Variants in KHDRBS2 observed in about 807,000 individuals in gnomAD.
The protein encoded by KHDRBS2 is KH domain-containing, RNA-binding, signal transduction-associated protein 2.
A neutral mutation model predicts 44.3 loss-of-function variants in KHDRBS2; 26 were observed. That is an observed-to-expected ratio of 0.59 (90% CI 0.43 to 0.81). The LOEUF (loss-of-function observed/expected upper bound fraction) is 0.81. KHDRBS2 is among the 40% of genes least tolerant of loss of function. KHDRBS2 has a pLI of 0.00. For missense variants in KHDRBS2, 476 were observed against 433.1 expected (o/e 1.10, Z -0.88); for synonymous variants, 194 against 151.1 (o/e 1.28, Z -2.08).
At chr6:61,826,895 A>G (rs1185500815) in intron 6 of KHDRBS2, among the ~76,000 whole-genome samples, 1 of 152,184 alleles carries the variant, frequency 6.6e-6, no homozygotes, top group African/African-American at 2.4e-5. Context: ...AAAGGTGAAC[A>G]CATCCTAACA....
chr6:61,545,029 A>G, the KHDRBS2 span, among the ~76,000 whole-genome samples: 14 of 152,054 alleles, frequency 9.2e-5, no homozygotes, highest in Admixed American at 7.9e-4. Flanking sequence ...ATGTATACAT[A>G]TATAACAAAC....
intron 1 of KHDRBS2, among the ~76,000 whole-genome samples, chr6:62,212,020 G>A (rs1301209585): frequency 1.3e-5 from 2 of 152,132 alleles, no homozygotes; most frequent in Non-Finnish European, 2.9e-5. Context: ...CATGGATGGA[G>A]CTGGAGGCCA....
intron 3 of KHDRBS2, among the ~76,000 whole-genome samples, chr6:61,993,259 C>T (rs1238457808): frequency 6.6e-6 from 1 of 152,084 alleles, no homozygotes; most frequent in Non-Finnish European, 1.5e-5. Context: ...CTTTTCCCTA[C>T]TAGCCATGAC....
chr6:61,989,823 C>A (rs1224300009), intron 3 of KHDRBS2, among the ~76,000 whole-genome samples: 1 of 152,170 alleles, frequency 6.6e-6, no homozygotes, highest in Non-Finnish European at 1.5e-5. Flanking sequence ...ATTGATTTGT[C>A]TTTTTGCCTG....
chr6:62,035,594 G>A lies in KHDRBS2; in HGVS notation c.336+12284C>T, dbSNP rs563096470. Among the ~76,000 whole-genome samples the A allele has an allele frequency of 2.0e-3, 299 of 152,018 alleles. 4 individuals are homozygous for A. The South Asian group carries it at 0.034, about 17-fold the overall frequency. ...CTAGTATTTGATAGCACAACAGGGT[G>A]AATATAGTCAATAATAAACTAATTG... On this transcript the variant is annotated intron_variant, in intron 3 of 8. Transcript: ENST00000281156.
At chr6:62,128,736 T>C (rs1809555577) in intron 2 of KHDRBS2, among the ~76,000 whole-genome samples, 1 of 151,868 alleles carries the variant, frequency 6.6e-6, no homozygotes, top group Admixed American at 6.6e-5. Flanking sequence ...TGTAGATGTT[T>C]ATAAGCAGCA....
chr6:61,837,529 C>G (rs1199782905), intron 6 of KHDRBS2, among the ~76,000 whole-genome samples: 3 of 151,982 alleles, frequency 2.0e-5, no homozygotes, highest in African/African-American at 4.8e-5. Flanking sequence ...CTTCCAGAGG[C>G]AATAATGCTG....
the KHDRBS2 span, among the ~76,000 whole-genome samples, chr6:61,554,670 C>T: frequency 6.6e-6 from 1 of 152,114 alleles, no homozygotes; most frequent in African/African-American, 2.4e-5. Context: ...CATGTTTAGC[C>T]CTCCCTTCAG....
At chr6:62,143,793 T>G in intron 2 of KHDRBS2, among the ~76,000 whole-genome samples, 1 of 151,966 alleles carries the variant, frequency 6.6e-6, no homozygotes, top group East Asian at 1.9e-4. Flanking sequence ...TTATTCTGAA[T>G]GGTATGCTGC....
chr6:62,123,554 A>G (rs535307830), intron 2 of KHDRBS2, among the ~76,000 whole-genome samples: 3 of 152,310 alleles, frequency 2.0e-5, no homozygotes, highest in East Asian at 3.9e-4. Context: ...AATCCTGCCT[A>G]CTGTTTTGTA....
At chr6:61,968,184 T>C (rs1770548916) in intron 4 of KHDRBS2, among the ~76,000 whole-genome samples, 1 of 151,822 alleles carries the variant, frequency 6.6e-6, no homozygotes, top group South Asian at 2.1e-4. Flanking sequence ...GCTGCTGAAG[T>C]CTAGTTTCTA....
intron 6 of KHDRBS2, chr6:61,817,127 A>T (rs903545024): frequency 3.5e-5 from 12 of 343,878 alleles, no homozygotes; most frequent in African/African-American, 2.6e-4. Context: ...AAGAATGTAA[A>T]TGCTGCCCAC....
intron 2 of KHDRBS2, among the ~76,000 whole-genome samples, chr6:62,116,380 C>G (rs1405519250): frequency 6.6e-6 from 1 of 152,066 alleles, no homozygotes; most frequent in African/African-American, 2.4e-5. Context: ...CTCTTTGTTT[C>G]TGGTTTCTGA....
At chr6:61,979,352 T>A (rs1773376879) in intron 3 of KHDRBS2, among the ~76,000 whole-genome samples, 1 of 152,100 alleles carries the variant, frequency 6.6e-6, no homozygotes, top group South Asian at 2.1e-4. Context: ...TCACTAAATT[T>A]CAAAAAATAA....
the KHDRBS2 span, among the ~76,000 whole-genome samples, chr6:61,557,829 T>C: frequency 6.6e-6 from 1 of 152,172 alleles, no homozygotes; most frequent in African/African-American, 2.4e-5. Flanking sequence ...TTGTCATTGG[T>C]CTGTTGAGGT....
At chr6:62,211,216 T>C (rs1828987474) in intron 1 of KHDRBS2, among the ~76,000 whole-genome samples, 1 of 152,150 alleles carries the variant, frequency 6.6e-6, no homozygotes, top group African/African-American at 2.4e-5. Context: ...TTAAATTATT[T>C]TACAAGCAGG....
chr6:62,123,933 A>C (rs972079681), intron 2 of KHDRBS2, among the ~76,000 whole-genome samples: 1 of 152,242 alleles, frequency 6.6e-6, no homozygotes. Context: ...GCTCTTTTGA[A>C]AGTTGGTAAC....
At chr6:62,164,415 T>C (rs992358862) in intron 2 of KHDRBS2, among the ~76,000 whole-genome samples, 6 of 151,920 alleles carry the variant, frequency 3.9e-5, no homozygotes, top group African/African-American at 1.2e-4. Flanking sequence ...AACCAATTTT[T>C]CTACATTAAT....
intron 7 of KHDRBS2, among the ~76,000 whole-genome samples, chr6:61,703,801 G>T (rs904836832): frequency 2.0e-5 from 3 of 151,854 alleles, no homozygotes; most frequent in Non-Finnish European, 4.4e-5. Context: ...AACACTGATA[G>T]ATTGAAGGAA....
Sources: allele counts gnomAD v4.1 joint callset (sites outside exome capture counted in the v4.1 genomes callset), GRCh38; gene constraint gnomAD v4.1.1; transcripts MANE v1.5; gene names NCBI Gene and HGNC (gene_info 2026-07-23, HGNC 2026-07-21).